Variants in RNFT2 observed in about 807,000 individuals in gnomAD.
RNFT2 encodes ring finger protein, transmembrane 2.
RNFT2 carries 36 observed loss-of-function variants against 53.0 expected under a neutral mutation model. That is an observed-to-expected ratio of 0.68 (90% CI 0.52 to 0.90). The LOEUF (loss-of-function observed/expected upper bound fraction) is 0.90. Among genes scored for constraint, RNFT2 ranks in the 40% least tolerant of loss-of-function variants. The probability of loss-of-function intolerance (pLI) is 0.00; values close to 1 mark genes in which losing one functional copy is unlikely to be tolerated. For synonymous variants in RNFT2, 260 were observed against 253.2 expected (o/e 1.03, Z -0.26); for missense variants, 514 against 585.6 (o/e 0.88, Z 1.26).
chr12:116,765,845 C>T (rs1269132457), intron 5 of RNFT2, among the ~76,000 whole-genome samples: 4 of 152,166 alleles, frequency 2.6e-5, no homozygotes, highest in Non-Finnish European at 5.9e-5. Context: ...TCCAGGGCAG[C>T]GGGCCAGAGG....
chr12:116,801,436 A>AT (rs764612654), intron 7 of RNFT2: 1 of 152,256 alleles, frequency 6.6e-6, no homozygotes, highest in Non-Finnish European at 1.5e-5. Flanking sequence ...GAAAGAGCAC[A>AT]TACTATACCC....
intron 7 of RNFT2, among the ~76,000 whole-genome samples, chr12:116,815,686 C>T (rs147030244): frequency 2.1e-3 from 327 of 152,312 alleles, no homozygotes; most frequent in African/African-American, 7.5e-3. Flanking sequence ...CACATCTGCA[C>T]GTGCACAAAA....
chr12:116,802,794 A>G (rs1874861543), intron 7 of RNFT2, among the ~76,000 whole-genome samples: 1 of 152,166 alleles, frequency 6.6e-6, no homozygotes, highest in Non-Finnish European at 1.5e-5. Flanking sequence ...AGGAGCTACA[A>G]GAAACTAATG....
intron 7 of RNFT2, among the ~76,000 whole-genome samples, chr12:116,824,740 T>A (rs1243805356): frequency 6.6e-6 from 1 of 152,206 alleles, no homozygotes; most frequent in Non-Finnish European, 1.5e-5. Flanking sequence ...CAGAGAGATC[T>A]CTCATGTCTC....
intron 7 of RNFT2, among the ~76,000 whole-genome samples, chr12:116,818,039 G>A (rs900639875): frequency 6.6e-6 from 1 of 152,208 alleles, no homozygotes; most frequent in African/African-American, 2.4e-5. Context: ...AAACGGGAAA[G>A]GGCTTTCTCT....
chr12:116,747,983 G>C (rs146943922), intron 3 of RNFT2, among the ~76,000 whole-genome samples: 6,416 of 152,224 alleles, frequency 0.042, 166 homozygotes, highest in African/African-American at 0.062. Flanking sequence ...ATGAGGTCAG[G>C]AGTTCAATAC....
At chr12:116,795,359 G>A (rs1322651702) in intron 7 of RNFT2, among the ~76,000 whole-genome samples, 5 of 151,620 alleles carry the variant, frequency 3.3e-5, no homozygotes, top group Non-Finnish European at 7.4e-5. Context: ...AGTGAGCCGA[G>A]GTCACACCAC....
intron 6 of RNFT2, among the ~76,000 whole-genome samples, chr12:116,770,599 C>T (rs945498480): frequency 3.3e-5 from 5 of 151,996 alleles, no homozygotes; most frequent in African/African-American, 9.7e-5. Context: ...TGCTCTGTCA[C>T]CCAGGCTGGA....
intron 10 of RNFT2, among the ~76,000 whole-genome samples, chr12:116,848,188 A>G (rs555419208): frequency 3.3e-5 from 5 of 152,166 alleles, no homozygotes; most frequent in African/African-American, 1.2e-4. Flanking sequence ...GTTCCTTTTT[A>G]TGGCTGCATA....
intron 1 of RNFT2, among the ~76,000 whole-genome samples, chr12:116,740,124 G>T (rs951493117): frequency 3.3e-5 from 5 of 151,862 alleles, no homozygotes; most frequent in African/African-American, 1.2e-4. Context: ...TGAGGCAGGA[G>T]AATCGCTTGA....
At chr12:116,846,461 T>C (rs932106750) in intron 10 of RNFT2, among the ~76,000 whole-genome samples, 1 of 136,262 alleles carries the variant, frequency 7.3e-6, no homozygotes, top group African/African-American at 2.9e-5. Context: ...TAGAGACATA[T>C]GGGGCATGGG....
chr12:116,755,518 C>A (rs3926590), intron 5 of RNFT2: 16 of 872,488 alleles, frequency 1.8e-5, no homozygotes, highest in Non-Finnish European at 2.8e-5. Context: ...CTTTCTCTTC[C>A]GCTTCTTTCT....
At chr12:116,792,676 G>A (rs1216282622) in intron 7 of RNFT2, among the ~76,000 whole-genome samples, 1 of 152,080 alleles carries the variant, frequency 6.6e-6, no homozygotes, top group Non-Finnish European at 1.5e-5. Context: ...TGCAGGCTTG[G>A]AAAAGGTTCA....
intron 4 of RNFT2, among the ~76,000 whole-genome samples, chr12:116,750,890 TAA>T: frequency 4.0e-5 from 1 of 25,196 alleles, no homozygotes; most frequent in Admixed American, 5.7e-4. Flanking sequence ...ATTATATATA[TAA>T]TATATATATA....
At position 116,832,867 on chromosome 12, in the gene RNFT2, C is replaced by T. The variant is rs143695481; in HGVS notation, c.883-925C>T. On this transcript the variant is annotated intron_variant, in intron 7 of 10. Transcript: ENST00000257575. ...AACATCCAGCAAGGTCAGGTTCAAT[C>T]CCAGCCCAGTGTGAGTACCCAAGTC... 1.6e-4 allele frequency among the ~76,000 whole-genome samples: 24 copies of T among 151,772 alleles called. No homozygotes were observed. The East Asian group carries it at 4.6e-3, about 29-fold the overall frequency.
At chr12:116,748,813 T>C in intron 3 of RNFT2, 1 of 290,270 alleles carries the variant, frequency 3.4e-6, no homozygotes, top group Middle Eastern at 4.3e-4. Context: ...AAGTGGGCTC[T>C]AGAGAGAGTC....
At chr12:116,814,237 T>C (rs1310060920) in intron 7 of RNFT2, among the ~76,000 whole-genome samples, 2 of 152,160 alleles carry the variant, frequency 1.3e-5, no homozygotes, top group African/African-American at 2.4e-5. Context: ...CCACCTATTC[T>C]GTACCAGGCC....
At chr12:116,843,507 A>AAG (rs1877457397) in intron 10 of RNFT2, among the ~76,000 whole-genome samples, 2 of 149,926 alleles carry the variant, frequency 1.3e-5, no homozygotes, top group Admixed American at 1.3e-4. Flanking sequence ...AAAAAAAAAA[A>AAG]AAAAAAAACC....
At chr12:116,802,764 A>G (rs1438004241) in intron 7 of RNFT2, among the ~76,000 whole-genome samples, 4 of 152,220 alleles carry the variant, frequency 2.6e-5, no homozygotes, top group Non-Finnish European at 5.9e-5. Context: ...CAAGCCACTC[A>G]GCATGTGGCA....
Sources: gnomAD v4.1 joint callset for allele counts (sites outside exome capture counted in the v4.1 genomes callset) on GRCh38, gnomAD v4.1.1 for gene constraint, MANE v1.5 for transcripts, NCBI Gene and HGNC (gene_info 2026-07-23, HGNC 2026-07-21) for gene names.